AR: variants seen among roughly 807,000 people sequenced by gnomAD.
AR encodes dihydrotestosterone receptor.
AR carries 8 observed loss-of-function variants against 53.9 expected under a neutral mutation model. The observed-to-expected ratio is 0.15, with a 90% CI of 0.09 to 0.27. AR has a LOEUF of 0.27. AR is among the 10% of genes least tolerant of loss of function. The pLI, the probability that AR is intolerant of heterozygous loss-of-function variation, is 1.00. For missense variants in AR, 639 were observed against 742.5 expected (o/e 0.86, Z 1.62); for synonymous variants, 359 against 316.4 (o/e 1.13, Z -1.43).
chrX:67,718,600 T>C (rs753040836), intron 5 of AR, among the ~76,000 whole-genome samples: 1 of 110,422 alleles, frequency 9.1e-6, no homozygotes, highest in Non-Finnish European at 1.9e-5. Flanking sequence ...AAAAAAAAAG[T>C]CCCTTTCTGA....
intron 1 of AR, among the ~76,000 whole-genome samples, chrX:67,632,114 G>C (rs951684459): frequency 8.9e-6 from 1 of 112,896 alleles, no homozygotes; most frequent in African/African-American, 3.2e-5. Flanking sequence ...CCTGCCCCCA[G>C]AGGTGAAGCC....
chrX:67,657,433 C>G (rs1046734707), intron 2 of AR, among the ~76,000 whole-genome samples: 1 of 111,385 alleles, frequency 9.0e-6, no homozygotes, highest in African/African-American at 3.3e-5. Flanking sequence ...CCCGCCCTCT[C>G]CTGTACTCCA....
intron 4 of AR, among the ~76,000 whole-genome samples, chrX:67,713,129 A>G (rs1332317878): frequency 8.9e-6 from 1 of 111,910 alleles, no homozygotes; most frequent in African/African-American, 3.3e-5. Context: ...GTGAGGGGCC[A>G]AGGCTTCATT....
At chrX:67,692,637 A>C (rs1458742157) in intron 3 of AR, among the ~76,000 whole-genome samples, 1 of 112,027 alleles carries the variant, frequency 8.9e-6, no homozygotes, top group African/African-American at 3.2e-5. Flanking sequence ...CAGTTTCTCC[A>C]ACCACACTGT....
At chrX:67,692,820 G>A (rs773462378) in intron 3 of AR, among the ~76,000 whole-genome samples, 1 of 111,874 alleles carries the variant, frequency 8.9e-6, no homozygotes, top group Non-Finnish European at 1.9e-5. Flanking sequence ...TGCTGTTACA[G>A]TGTGGCTTTT....
intron 1 of AR, among the ~76,000 whole-genome samples, chrX:67,590,309 G>A (rs1244639451): frequency 4.5e-5 from 5 of 111,220 alleles, no homozygotes; most frequent in Non-Finnish European, 1.9e-5. Flanking sequence ...ATATATCACT[G>A]GAAAAGACTA....
At chrX:67,603,307 A>G (rs991512017) in intron 1 of AR, among the ~76,000 whole-genome samples, 4 of 111,797 alleles carry the variant, frequency 3.6e-5, no homozygotes, top group Admixed American at 1.9e-4. Context: ...GGAATCAGAC[A>G]TGGTGTCTGA....
chrX:67,686,353 G>A (rs2075966845), intron 3 of AR, among the ~76,000 whole-genome samples: 1 of 111,449 alleles, frequency 9.0e-6, no homozygotes, highest in African/African-American at 3.3e-5. Flanking sequence ...CATTAGAGCA[G>A]GCGGTGTGAA....
chrX:67,600,549 G>T (rs1158908222), intron 1 of AR, among the ~76,000 whole-genome samples: 1 of 111,195 alleles, frequency 9.0e-6, no homozygotes, highest in Non-Finnish European at 1.9e-5. Flanking sequence ...GGCTAGAAAG[G>T]ATAGTTGGTG....
At position 67,545,953 on chromosome X, in the gene AR, C is replaced by T. The variant is rs767555714; in HGVS notation, c.807C>T (p.Tyr269=). 71 of 1,210,948 alleles carry T rather than the reference C, an allele frequency of 5.9e-5. No homozygotes were observed. The highest frequency in any genetic ancestry group is 7.9e-5 in the Non-Finnish European group (71 of 895,396). ...AACAGCTTCGGGGGGATTGCATGTACGCCCCACTTTTGGGAGTTCCACCCG... is the reference window on the plus strand; with the variant it reads ...AACAGCTTCGGGGGGATTGCATGTATGCCCCACTTTTGGGAGTTCCACCCG... ...PGEQLRGDCM[Y]APLLGVPPAV... is the part of the protein sequence containing the mutation. Residue 269 remains tyrosine, a synonymous_variant, in exon 1 of 8, where the codon TAC becomes TAT. Transcript: ENST00000374690.
chrX:67,643,615 G>A (rs1375526096), intron 2 of AR, among the ~76,000 whole-genome samples: 9 of 111,876 alleles, frequency 8.0e-5, no homozygotes, highest in Non-Finnish European at 7.5e-5. Flanking sequence ...GGCAATTTAG[G>A]CAGTGAAGGT....
At chrX:67,711,757 G>A (rs2147525615) in intron 4 of AR, 68 bp downstream of exon 4, 2 of 1,074,790 alleles carry the variant, frequency 1.9e-6, no homozygotes, top group Non-Finnish European at 2.5e-6. Flanking sequence ...CTATGGACCA[G>A]CCACCATGTC....
chrX:67,637,393 G>A (rs1602214718), intron 1 of AR, among the ~76,000 whole-genome samples: 1 of 91,125 alleles, frequency 1.1e-5, no homozygotes, highest in African/African-American at 4.2e-5. Context: ...TGTTCTCAAT[G>A]TTCAGTTCCC....
intron 1 of AR, among the ~76,000 whole-genome samples, chrX:67,613,558 C>G (rs1569282676): frequency 1.8e-5 from 2 of 111,330 alleles, no homozygotes; most frequent in Non-Finnish European, 3.8e-5. Flanking sequence ...TGGAATTGCA[C>G]TCACTGCTGG....
At chrX:67,658,493 A>C (rs1387066690) in intron 2 of AR, among the ~76,000 whole-genome samples, 1 of 112,222 alleles carries the variant, frequency 8.9e-6, no homozygotes, top group Non-Finnish European at 1.9e-5. Flanking sequence ...TATGTTGCCC[A>C]GGCTGCAGTG....
rs1394657141 is a variant in AR at position 67,729,824 on chromosome X, G to T, written c.*5983G>T. 1 of 173,277 alleles carries T rather than the reference G, an allele frequency of 5.8e-6. No individual in the cohort carries two copies. The highest frequency in any genetic ancestry group is 1.1e-5 in the Non-Finnish European group (1 of 90,501). 14.3% of individuals were successfully genotyped at this position (173,277 alleles called of 1,213,427 possible). A position where few individuals can be genotyped will look rare whatever the true frequency, so the allele number is the denominator to read the frequency against. ...CTCTGGCTGCTGCCTCACAGTATGG[G>T]AACCTGTACTCTGCAGAGGTGACAG... On this transcript the variant is annotated 3_prime_UTR_variant, in exon 8 of 8. Transcript: ENST00000374690.
chrX:67,663,190 T>C (rs887647498), intron 2 of AR, among the ~76,000 whole-genome samples: 5 of 111,709 alleles, frequency 4.5e-5, no homozygotes, highest in Non-Finnish European at 9.4e-5. Context: ...GTTATTTTGC[T>C]CGTTAGTTGA....
chrX:67,728,614 T>TATAG lies in AR; in HGVS notation c.*4774_*4775insTAGA, dbSNP rs2076168263. 1.0e-5 allele frequency: 1 copy of TATAG among 97,860 alleles called. No homozygotes were observed. Among genetic ancestry groups the TATAG allele is most frequent in the Non-Finnish European group, 2.0e-5 (1 of 49,991 alleles). The allele number at this position is 97,860 out of a possible 1,213,427, so 8.1% of individuals were successfully genotyped here. A position where few individuals can be genotyped will look rare whatever the true frequency, so the allele number is the denominator to read the frequency against. On this transcript the variant is annotated 3_prime_UTR_variant, in exon 8 of 8. Transcript: ENST00000374690. ...ATATATATATATATATATATATATA[T>TATAG]AGTGTGTGTGTGTGTTCTGATAGCT...
chrX:67,692,780 G>C (rs2076001622), intron 3 of AR, among the ~76,000 whole-genome samples: 1 of 112,108 alleles, frequency 8.9e-6, no homozygotes. Flanking sequence ...TGTGCTCCCA[G>C]TCACCACTGG....
Sources: gnomAD v4.1 joint callset for allele counts (sites outside exome capture counted in the v4.1 genomes callset) on GRCh38, gnomAD v4.1.1 for gene constraint, MANE v1.5 for transcripts, NCBI Gene and HGNC (gene_info 2026-07-23, HGNC 2026-07-21) for gene names.